The following YY1 variants were observed in gnomAD, a reference collection of about 807,000 sequenced individuals.
The protein encoded by YY1 is YY1 transcription factor.
In YY1, 2 loss-of-function variants were observed where a neutral mutation model predicts 35.6. That is an observed-to-expected ratio of 0.06 (90% CI 0.02 to 0.18). The LOEUF is 0.18. Among genes scored for constraint, YY1 ranks in the 10% least tolerant of loss-of-function variants. The pLI, the probability that YY1 is intolerant of heterozygous loss-of-function variation, is 1.00. For synonymous variants in YY1, 268 were observed against 238.9 expected (o/e 1.12, Z -1.12); for missense variants, 322 against 573.4 (o/e 0.56, Z 4.48).
At chr14:100,243,184 A>G (rs575691003) in intron 1 of YY1, among the ~76,000 whole-genome samples, 2 of 152,372 alleles carry the variant, frequency 1.3e-5, no homozygotes, top group Admixed American at 6.5e-5. Context: ...TGATATACTC[A>G]GTATAATTCC....
In YY1 at chr14:100,260,771, C is replaced by CTTTT. The variant is rs71113254; in HGVS notation, c.680-1497_680-1494dup. Among the ~76,000 whole-genome samples the CTTTT allele has an allele frequency of 2.3e-4, 10 of 42,568 alleles. 2 individuals are homozygous for CTTTT. The highest frequency in any genetic ancestry group is 3.7e-4 in the African/African-American group (4 of 10,868). The allele number at this position is 42,568 out of a possible 152,430, so 27.9% of individuals were successfully genotyped here. A position where few individuals can be genotyped will look rare whatever the true frequency, so the allele number is the denominator to read the frequency against. ...CAGGTGTGAGCCACCGTGCCTGGTC[C>CTTTT]TTTTTTTTTTTTTTTTTTTTTTTTT... On this transcript the variant is annotated intron_variant, in intron 1 of 4. Coordinates refer to ENST00000262238, the MANE Select transcript of YY1 (RefSeq NM_003403.5).
At chr14:100,255,963 T>G (rs1890999833) in intron 1 of YY1, among the ~76,000 whole-genome samples, 1 of 152,142 alleles carries the variant, frequency 6.6e-6, no homozygotes, top group African/African-American at 2.4e-5. Context: ...TCTTACAATG[T>G]CTTTCTGGGG....
At chr14:100,258,090 C>T (rs1421332531) in intron 1 of YY1, among the ~76,000 whole-genome samples, 2 of 151,812 alleles carry the variant, frequency 1.3e-5, no homozygotes, top group African/African-American at 4.8e-5. Flanking sequence ...CATGATTGCT[C>T]CACTGCACTC....
At chr14:100,241,342 A>C (rs897023429) in intron 1 of YY1, among the ~76,000 whole-genome samples, 2 of 152,240 alleles carry the variant, frequency 1.3e-5, no homozygotes, top group African/African-American at 4.8e-5. Flanking sequence ...AGATCGTTAA[A>C]ATTCGGAGGA....
At chr14:100,263,928 G>C (rs1164766601) in intron 2 of YY1, 1 of 152,232 alleles carries the variant, frequency 6.6e-6, no homozygotes, top group Admixed American at 6.5e-5. Flanking sequence ...GCAGTAGCAT[G>C]ATGATAGCTC....
intron 1 of YY1, among the ~76,000 whole-genome samples, chr14:100,253,696 A>T (rs564708048): frequency 1.1e-4 from 16 of 151,656 alleles, no homozygotes; most frequent in Non-Finnish European, 2.1e-4. Flanking sequence ...CCAGCCAACC[A>T]GGGTAATCTT....
intron 1 of YY1, among the ~76,000 whole-genome samples, chr14:100,242,699 T>C (rs1245969557): frequency 6.6e-6 from 1 of 152,082 alleles, no homozygotes; most frequent in African/African-American, 2.4e-5. Context: ...AGTGGCTGCT[T>C]TTAAGGTGGC....
intron 1 of YY1, among the ~76,000 whole-genome samples, chr14:100,254,940 A>ATTTTTTTTTTTTTTTTTTTTTTT (rs35165026): frequency 3.7e-4 from 11 of 29,588 alleles, no homozygotes; most frequent in Admixed American, 6.6e-4. Context: ...CGCCCAGCTA[A>ATTTTTTTTTTTTTTTTTTTTTTT]TTTTTTTTTT....
chr14:100,257,617 A>G (rs911448360), intron 1 of YY1, among the ~76,000 whole-genome samples: 2 of 150,696 alleles, frequency 1.3e-5, no homozygotes, highest in African/African-American at 5.0e-5. Flanking sequence ...TCTCTATGCT[A>G]TGTGACAAGA....
chr14:100,248,270 C>T (rs1198254701), intron 1 of YY1, among the ~76,000 whole-genome samples: 2 of 151,970 alleles, frequency 1.3e-5, no homozygotes, highest in East Asian at 3.9e-4. Context: ...CGCCCACCAC[C>T]ACGCCTGGCT....
chr14:100,262,565 C>T, intron 2 of YY1, 99 bp downstream of exon 2: 1 of 1,300,706 alleles, frequency 7.7e-7, no homozygotes, highest in Non-Finnish European at 1.1e-6. Context: ...GGTTTGTATT[C>T]TTTCTCTAGG....
Position 100,280,009 on chromosome 14 carries a change from A to ACT in YY1, c.*2416_*2417dup, listed in dbSNP as rs897993736. 6.6e-5 allele frequency: 10 copies of ACT among 151,962 alleles called. No individual in the cohort carries two copies. The highest frequency in any genetic ancestry group is 2.4e-4 in the African/African-American group (10 of 41,400). The allele number at this position is 151,962 out of a possible 1,614,324, so 9.4% of individuals were successfully genotyped here. On this transcript the variant is annotated 3_prime_UTR_variant, in exon 5 of 5. Coordinates refer to ENST00000262238, the MANE Select transcript of YY1 (RefSeq NM_003403.5). ...TCTGAAATAGTCATCACTCCCCTTG[A>ACT]CTCTCTCTGTTCACGTCTTCTCAGT...
At chr14:100,267,660 A>G (rs1891175002) in intron 2 of YY1, among the ~76,000 whole-genome samples, 1 of 151,982 alleles carries the variant, frequency 6.6e-6, no homozygotes, top group South Asian at 2.1e-4. Flanking sequence ...AGTAGCTGGG[A>G]CTACAGGTGC....
chr14:100,240,231 C>G (rs1299624469), intron 1 of YY1, among the ~76,000 whole-genome samples: 1 of 141,978 alleles, frequency 7.0e-6, no homozygotes, highest in Non-Finnish European at 1.6e-5. Context: ...GCTCGCTCCC[C>G]GACGCCCTCG....
chr14:100,258,387 T>G (rs562763110), intron 1 of YY1, among the ~76,000 whole-genome samples: 1 of 152,286 alleles, frequency 6.6e-6, no homozygotes, highest in African/African-American at 2.4e-5. Flanking sequence ...ATCCAGCTAT[T>G]TTTTTCCTAG....
intron 1 of YY1, among the ~76,000 whole-genome samples, chr14:100,241,982 G>C (rs963516387): frequency 7.9e-5 from 12 of 151,010 alleles, no homozygotes; most frequent in East Asian, 5.9e-4. Flanking sequence ...CTCAAAAGGG[G>C]GGGGGGGGCA....
chr14:100,274,887 T>C, intron 3 of YY1, 129 bp downstream of exon 3: 17 of 964,626 alleles, frequency 1.8e-5, no homozygotes, highest in Non-Finnish European at 2.4e-5. Flanking sequence ...CTTCGGTTTC[T>C]AAATCCAAGA....
chr14:100,271,075 G>C (rs1480803569), intron 2 of YY1, among the ~76,000 whole-genome samples: 1 of 152,144 alleles, frequency 6.6e-6, no homozygotes, highest in African/African-American at 2.4e-5. Flanking sequence ...AAGAAACCCC[G>C]TCTCTGCTAA....
intron 2 of YY1, among the ~76,000 whole-genome samples, chr14:100,274,272 A>G (rs543491537): frequency 2.0e-5 from 3 of 152,204 alleles, no homozygotes; most frequent in Non-Finnish European, 4.4e-5. Context: ...CTTCTTTTTC[A>G]TAAGGCACCT....
Sources: allele counts gnomAD v4.1 joint callset (sites outside exome capture counted in the v4.1 genomes callset), GRCh38; gene constraint gnomAD v4.1.1; transcripts MANE v1.5; gene names NCBI Gene and HGNC (gene_info 2026-07-23, HGNC 2026-07-21).